ADGRB3: variants seen among roughly 807,000 people sequenced by gnomAD.
The protein encoded by ADGRB3 is adhesion G protein-coupled receptor B3.
Under a neutral mutation model 193.4 loss-of-function variants are expected in ADGRB3, and 37 were observed. The ratio of observed to expected loss-of-function variants is 0.19; its 90% CI spans 0.15 to 0.25. ADGRB3 has a LOEUF of 0.25. Ranked by LOEUF, ADGRB3 falls within the 10% of genes least tolerant of loss-of-function variation. ADGRB3 has a pLI of 1.00. For missense variants in ADGRB3, 1,637 were observed against 1,852.9 expected, an observed-to-expected ratio of 0.88 and a Z score of 2.14; for synonymous variants, 690 against 644.2, an observed-to-expected ratio of 1.07 and a Z score of -1.08.
intron 3 of ADGRB3, among the ~76,000 whole-genome samples, chr6:68,675,760 G>A (rs1162432445): frequency 6.6e-6 from 1 of 152,142 alleles, no homozygotes; most frequent in African/African-American, 2.4e-5. Flanking sequence ...TCCTGTGGAA[G>A]AGCCCTCAGT....
chr6:68,843,922 A>G (rs1057189044), intron 3 of ADGRB3, among the ~76,000 whole-genome samples: 1 of 152,182 alleles, frequency 6.6e-6, no homozygotes, highest in African/African-American at 2.4e-5. Context: ...TACATTGGGG[A>G]AAAACTATCT....
intron 28 of ADGRB3, among the ~76,000 whole-genome samples, chr6:69,357,462 C>A (rs1258265294): frequency 6.6e-6 from 1 of 151,912 alleles, no homozygotes; most frequent in African/African-American, 2.4e-5. Context: ...TTTTATAAGA[C>A]TACCTTCTAA....
intron 17 of ADGRB3, among the ~76,000 whole-genome samples, chr6:69,166,993 G>A (rs1311829362): frequency 6.6e-6 from 1 of 152,048 alleles, no homozygotes; most frequent in Admixed American, 6.6e-5. Flanking sequence ...ATCTTAATCT[G>A]ATGACATTTT....
At chr6:68,725,289 G>A (rs1410124598) in intron 3 of ADGRB3, among the ~76,000 whole-genome samples, 1 of 151,600 alleles carries the variant, frequency 6.6e-6, no homozygotes, top group African/African-American at 2.4e-5. Context: ...ATATAATATA[G>A]ATCCCTAAAT....
intron 3 of ADGRB3, among the ~76,000 whole-genome samples, chr6:68,909,279 T>G (rs1256577402): frequency 6.6e-6 from 1 of 152,206 alleles, no homozygotes; most frequent in Non-Finnish European, 1.5e-5. Flanking sequence ...TTTTCTATTA[T>G]GAACTTGAAT....
chr6:68,952,842 C>T (rs1315847349), intron 6 of ADGRB3, among the ~76,000 whole-genome samples: 2 of 152,068 alleles, frequency 1.3e-5, no homozygotes, highest in Admixed American at 6.6e-5. Flanking sequence ...TTTATGGTAG[C>T]GTTGAACCTC....
intron 20 of ADGRB3, among the ~76,000 whole-genome samples, chr6:69,260,727 G>A (rs1451694372): frequency 2.0e-5 from 3 of 152,108 alleles, no homozygotes; most frequent in Non-Finnish European, 4.4e-5. Context: ...TTCTTACTTA[G>A]GGAGAATCCT....
At chr6:69,047,959 G>T (rs1055779209) in intron 13 of ADGRB3, among the ~76,000 whole-genome samples, 1 of 152,074 alleles carries the variant, frequency 6.6e-6, no homozygotes, top group Non-Finnish European at 1.5e-5. Flanking sequence ...GACCACCATT[G>T]TATGATACCC....
At chr6:69,170,724 C>T (rs1410368524) in intron 17 of ADGRB3, among the ~76,000 whole-genome samples, 6 of 152,134 alleles carry the variant, frequency 3.9e-5, no homozygotes, top group Non-Finnish European at 5.9e-5. Context: ...TATGACTTCT[C>T]ATTGTAAAGG....
chr6:68,742,233 G>A (rs1392602341), intron 3 of ADGRB3, among the ~76,000 whole-genome samples: 1 of 152,078 alleles, frequency 6.6e-6, no homozygotes, highest in Admixed American at 6.6e-5. Flanking sequence ...ATGTAAACTA[G>A]TTTCAAATTC....
chr6:68,967,437 A>G (rs983766122), intron 8 of ADGRB3, among the ~76,000 whole-genome samples: 2 of 152,148 alleles, frequency 1.3e-5, no homozygotes, highest in East Asian at 3.9e-4. Context: ...AAATGGTCCT[A>G]TAGGATCTTA....
chr6:68,976,615 T>A (rs1768757987), intron 10 of ADGRB3, among the ~76,000 whole-genome samples: 1 of 152,178 alleles, frequency 6.6e-6, no homozygotes, highest in South Asian at 2.1e-4. Context: ...TTGTACTGTA[T>A]TTTTACAATA....
chr6:68,856,691 A>T (rs1157732466), intron 3 of ADGRB3, among the ~76,000 whole-genome samples: 1 of 152,230 alleles, frequency 6.6e-6, no homozygotes, highest in East Asian at 1.9e-4. Flanking sequence ...TTTGCAGCCT[A>T]TGTGATAGAA....
intron 13 of ADGRB3, among the ~76,000 whole-genome samples, chr6:69,031,725 C>G (rs907934801): frequency 6.6e-6 from 1 of 151,444 alleles, no homozygotes; most frequent in Non-Finnish European, 1.5e-5. Flanking sequence ...ACCTCCACCT[C>G]CTGGGCTCAA....
chr6:68,836,101 G>A (rs1768039583), intron 3 of ADGRB3, among the ~76,000 whole-genome samples: 1 of 152,062 alleles, frequency 6.6e-6, no homozygotes, highest in Admixed American at 6.6e-5. Flanking sequence ...CACAGCTGCT[G>A]AGTTGACTTT....
intron 17 of ADGRB3, among the ~76,000 whole-genome samples, chr6:69,172,376 G>T (rs1305679001): frequency 6.6e-6 from 1 of 151,922 alleles, no homozygotes; most frequent in Non-Finnish European, 1.5e-5. Context: ...AGGCGCAGTG[G>T]CTCACGCCTG....
At chr6:68,890,572 C>T (rs1766046042) in intron 3 of ADGRB3, among the ~76,000 whole-genome samples, 1 of 152,178 alleles carries the variant, frequency 6.6e-6, no homozygotes, top group Non-Finnish European at 1.5e-5. Flanking sequence ...TAATTAAACA[C>T]ATATGCCAAT....
At chr6:69,190,858 C>T (rs1402799197) in intron 17 of ADGRB3, among the ~76,000 whole-genome samples, 1 of 152,030 alleles carries the variant, frequency 6.6e-6, no homozygotes, top group East Asian at 1.9e-4. Context: ...TTACAATTGC[C>T]TACATCAGTC....
intron 17 of ADGRB3, among the ~76,000 whole-genome samples, chr6:69,218,340 A>G (rs1161777602): frequency 6.6e-6 from 1 of 152,174 alleles, no homozygotes; most frequent in Admixed American, 6.6e-5. Flanking sequence ...ATAATTTTAT[A>G]TAAACTGTAG....
Sources: allele counts gnomAD v4.1 joint callset (sites outside exome capture counted in the v4.1 genomes callset), GRCh38; gene constraint gnomAD v4.1.1; transcripts MANE v1.5; gene names NCBI Gene and HGNC (gene_info 2026-07-23, HGNC 2026-07-21).